ADD2: variants seen among roughly 807,000 people sequenced by gnomAD.
ADD2 encodes the protein beta-adducin.
ADD2 carries 23 observed loss-of-function variants against 83.0 expected under a neutral mutation model. The ratio of observed to expected loss-of-function variants is 0.28; its 90% CI spans 0.20 to 0.39. ADD2 has a LOEUF of 0.39. ADD2 is among the 10% of genes least tolerant of loss of function. The pLI, the probability that ADD2 is intolerant of heterozygous loss-of-function variation, is 1.00. For synonymous variants in ADD2, 375 were observed against 375.4 expected (o/e 1.00, Z 0.01); for missense variants, 758 against 944.9 (o/e 0.80, Z 2.59).
intron 1 of ADD2, among the ~76,000 whole-genome samples, chr2:70,736,965 C>A (rs1204002748): frequency 6.6e-6 from 1 of 151,986 alleles, no homozygotes; most frequent in Non-Finnish European, 1.5e-5. Context: ...CCAACAGACA[C>A]ATGAAAAAAT....
rs1157665284 is a variant in ADD2, at chr2:70,688,086, C to T, written c.886G>A (p.Gly296Ser). The T allele has an allele frequency of 3.1e-6, 5 of 1,614,044 alleles. No homozygotes were observed. The highest frequency in any genetic ancestry group is 4.2e-6 in the Non-Finnish European group (5 of 1,180,020). ...TAAAATGCCTCCTCTACCGTGTCAC[C>T]CAGAGCAACCACTCCATGGTTTCTT... ...VLRNHGVVAL[G>S]DTVEEAFYKI... Residue 296 changes from glycine to serine, a missense_variant, in exon 9 of 16, where the codon GGT becomes AGT. Transcript: ENST00000264436.
In ADD2 at chr2:70,706,127, G is replaced by T; in HGVS notation, c.183+99C>A. ...GTGGGCTTACATTTCTACTGACCCT[G>T]AGCAAGGGAAAGAGGAGTTACTCAT... is the stretch of plus-strand genomic sequence containing the variant. On this transcript the variant is annotated intron_variant, in intron 3 of 15. Transcript: ENST00000264436. The surrounding 1 kb of genome is among the most constrained non-coding windows in gnomAD (Gnocchi z 5.0). 1 of 1,317,732 alleles carries T rather than the reference G, an allele frequency of 7.6e-7. No individual in the cohort carries two copies. The highest frequency in any genetic ancestry group is 1.1e-6 in the Non-Finnish European group (1 of 946,182). The allele number at this position is 1,317,732 out of a possible 1,614,324, so 81.6% of individuals were successfully genotyped here.
intron 1 of ADD2, among the ~76,000 whole-genome samples, chr2:70,766,042 A>G (rs1248219620): frequency 1.3e-5 from 2 of 152,216 alleles, no homozygotes; most frequent in Non-Finnish European, 2.9e-5. Context: ...TAATTCCAAC[A>G]CTATACTAAT....
At chr2:70,766,146 G>A (rs1390535947) in intron 1 of ADD2, among the ~76,000 whole-genome samples, 1 of 152,180 alleles carries the variant, frequency 6.6e-6, no homozygotes, top group East Asian at 1.9e-4. Context: ...TTTCTAATAA[G>A]GCTAGGCAAT....
chr2:70,750,918 A>C (rs1039345669), intron 1 of ADD2, among the ~76,000 whole-genome samples: 2 of 152,154 alleles, frequency 1.3e-5, no homozygotes, highest in Admixed American at 6.5e-5. Flanking sequence ...CTGCCTCCCC[A>C]CACCCTAGCT....
chr2:70,749,159 G>C (rs1215785019), intron 1 of ADD2, among the ~76,000 whole-genome samples: 1 of 152,146 alleles, frequency 6.6e-6, no homozygotes, highest in African/African-American at 2.4e-5. Context: ...GAAAGAATGA[G>C]AGCCAGCAGG....
chr2:70,672,774 G>A, intron 15 of ADD2, 104 bp downstream of exon 15: 4 of 1,337,540 alleles, frequency 3.0e-6, no homozygotes, highest in Non-Finnish European at 4.0e-6. Context: ...TAGCAGAGGG[G>A]AAAGATTTTC....
At chr2:70,674,246 G>A (rs1670028059) in intron 14 of ADD2, among the ~76,000 whole-genome samples, 2 of 152,218 alleles carry the variant, frequency 1.3e-5, no homozygotes, top group South Asian at 4.1e-4. Context: ...TCAACACAGA[G>A]AGATGGGCTT....
intron 1 of ADD2, among the ~76,000 whole-genome samples, chr2:70,715,017 A>G (rs782361908): frequency 6.6e-6 from 1 of 152,162 alleles, no homozygotes; most frequent in Non-Finnish European, 1.5e-5. Context: ...TCCCCACCAG[A>G]GCACCATTCC....
In ADD2 at chr2:70,722,584, A is replaced by G. The variant is rs554991626; in HGVS notation, c.-153-9400T>C. Among the ~76,000 whole-genome samples the G allele has an allele frequency of 2.0e-5, 3 of 152,352 alleles. No individual in the cohort carries two copies. In the East Asian group the frequency reaches 5.8e-4, roughly 29 times the overall value. On this transcript the variant is annotated intron_variant, in intron 1 of 15. Coordinates refer to ENST00000264436, the MANE Select transcript of ADD2 (RefSeq NM_001617.4). ...TTGACACCTGGATTCAGGGCTTATC[A>G]GTAGACCAGATTTGTTGGCTGTCAA...
At chr2:70,747,112 G>A (rs1318560167) in intron 1 of ADD2, among the ~76,000 whole-genome samples, 4 of 148,200 alleles carry the variant, frequency 2.7e-5, no homozygotes, top group Non-Finnish European at 4.4e-5. Context: ...CCAGGTTCAC[G>A]CCATTCTCCT....
chr2:70,742,835 T>C (rs1007137907), intron 1 of ADD2, among the ~76,000 whole-genome samples: 63 of 152,244 alleles, frequency 4.1e-4, no homozygotes, highest in Non-Finnish European at 7.5e-4. Flanking sequence ...ACAAATGAGG[T>C]CCCTGGCTAT....
intron 1 of ADD2, among the ~76,000 whole-genome samples, chr2:70,737,603 A>T (rs1225208215): frequency 6.6e-6 from 1 of 151,394 alleles, no homozygotes; most frequent in Non-Finnish European, 1.5e-5. Flanking sequence ...GAGGGATAGC[A>T]TTAGGAGATA....
intron 1 of ADD2, among the ~76,000 whole-genome samples, chr2:70,762,005 T>C (rs1277126216): frequency 1.3e-5 from 2 of 151,546 alleles, no homozygotes; most frequent in Non-Finnish European, 2.9e-5. Context: ...TGAAGACTAG[T>C]AGAAAAAAAT....
Position 70,692,415 on chromosome 2 carries a change from C to G in ADD2, c.693G>C (p.Pro231=). ...GGAGTCCACTCACCGCTGCTGTGGC[C>G]GGTGTGTGCAGGTGGATGATGCAGC... ...DVRCIIHLHT[P]ATAAVSAMKW... is the part of the protein sequence containing the mutation. The change falls in exon 7 of 16, where the codon CCG becomes CCC. Residue 231 remains proline, a synonymous_variant. Transcript: ENST00000264436. 1 of 1,572,950 alleles carries G rather than the reference C, an allele frequency of 6.4e-7. No homozygotes were observed. The highest frequency in any genetic ancestry group is 8.6e-7 in the Non-Finnish European group (1 of 1,158,374).
rs1466601682 is a variant in ADD2, at chr2:70,674,635, C to A, written c.1741+43G>T. The A allele has an allele frequency of 2.5e-6, 4 of 1,593,386 alleles. No homozygotes were observed. In the East Asian group the frequency reaches 8.9e-5, roughly 36 times the overall value. On this transcript the variant is annotated intron_variant, in intron 14 of 15. Transcript: ENST00000264436. The stretch of plus-strand genomic sequence containing the variant: ...GGTAGTCCTGAGCTCTCCCCTCCAC[C>A]CTGGGGGACTTGGAAGCAAGGGTGT...
chr2:70,740,037 T>G (rs983140203), intron 1 of ADD2, among the ~76,000 whole-genome samples: 14 of 151,982 alleles, frequency 9.2e-5, no homozygotes, highest in Admixed American at 9.2e-4. Context: ...GTTAAAAAAC[T>G]AAAATAGATA....
At position 70,660,523 on chromosome 2, in the gene ADD2, CAT is replaced by C. The variant is rs1261144352; in HGVS notation, c.*2900_*2901del. The stretch of plus-strand genomic sequence containing the variant: ...GATTTTCCTAAAATGCAATTCTGAT[CAT>C]GACTCTATCCTGATTTAAAGGCTCC... On this transcript the variant is annotated 3_prime_UTR_variant, in exon 16 of 16. Transcript: ENST00000264436. 1 of 152,440 alleles carries C rather than the reference CAT, an allele frequency of 6.6e-6. No homozygotes were observed. The highest frequency in any genetic ancestry group is 6.5e-5 in the Admixed American group (1 of 15,286). 9.4% of individuals were successfully genotyped at this position (152,440 alleles called of 1,614,324 possible).
At chr2:70,679,053 T>A in intron 10 of ADD2, 92 bp from the exon 11 acceptor site, 1 of 1,425,708 alleles carries the variant, frequency 7.0e-7, no homozygotes, top group Non-Finnish European at 9.5e-7. Flanking sequence ...TCCGTCTGCT[T>A]AAAGGACTCT....
Sources: gnomAD v4.1 joint callset for allele counts (sites outside exome capture counted in the v4.1 genomes callset) on GRCh38, gnomAD v4.1.1 for gene constraint, Gnocchi (gnomAD v3.1) non-coding constraint, MANE v1.5 for transcripts, NCBI Gene and HGNC (gene_info 2026-07-23, HGNC 2026-07-21) for gene names.